USP34: variants seen among roughly 807,000 people sequenced by gnomAD.
USP34 encodes ubiquitin carboxyl-terminal hydrolase 34.
USP34 carries 70 observed loss-of-function variants against 460.3 expected under a neutral mutation model. That is an observed-to-expected ratio of 0.15 (90% confidence interval 0.13 to 0.19). The LOEUF is 0.19. USP34 is among the 10% of genes least tolerant of loss of function. USP34 has a pLI of 1.00. For synonymous variants in USP34, 1,647 were observed against 1,405.3 expected (o/e 1.17, Z -3.85); for missense variants, 3,985 against 4,236.2 (o/e 0.94, Z 1.65).
Position 61,210,085 on chromosome 2 carries a change from A to C in USP34, c.8841-1108T>G, listed in dbSNP as rs1250006278. Among the ~76,000 whole-genome samples the C allele has an allele frequency of 3.3e-5, 5 of 152,334 alleles. No individual in the cohort carries two copies. The East Asian group carries it at 9.6e-4, about 29-fold the overall frequency. On this transcript the variant is annotated intron_variant, in intron 69 of 79. Transcript: ENST00000398571. ...AGAAGTTAAAAAAACTTATAAAGTA[A>C]AAAAAGTTCAGTACATTAATAATGA...
chr2:61,444,785 A>G lies in USP34; in HGVS notation c.44-23952T>C, dbSNP rs146376058. The stretch of plus-strand genomic sequence containing the variant: ...ATTGCCTCCTCCAGCCTCTGCATAT[A>G]TACCTGGCAGGTGTCCACCGCACGT... On this transcript the variant is annotated intron_variant, in intron 1 of 79. Coordinates refer to ENST00000398571, the MANE Select transcript of USP34 (RefSeq NM_014709.4). 8.5e-5 allele frequency among the ~76,000 whole-genome samples: 13 copies of G among 152,138 alleles called. No individual in the cohort carries two copies. In the East Asian group the frequency reaches 2.5e-3, roughly 29 times the overall value.
intron 21 of USP34, among the ~76,000 whole-genome samples, chr2:61,321,263 G>T (rs983101610): frequency 4.6e-5 from 7 of 152,086 alleles, no homozygotes; most frequent in Non-Finnish European, 7.4e-5. Context: ...ATGAGGTCAG[G>T]AGATCAAGAC....
At position 61,281,330 on chromosome 2, in the gene USP34, T is replaced by C. The variant is rs548439589; in HGVS notation, c.4999-88A>G. ...AGAAATAATTTTAGGTGATTTTAAA[T>C]ACAATGTTCTGCCGGGCAAGCCTGT... On this transcript the variant is annotated intron_variant, in intron 37 of 79. Transcript: ENST00000398571. 5 of 1,445,212 alleles carry C rather than the reference T, an allele frequency of 3.5e-6. No homozygotes were observed. In the South Asian group the frequency reaches 4.3e-5, roughly 12 times the overall value. 89.5% of individuals were successfully genotyped at this position (1,445,212 alleles called of 1,614,324 possible). A position where few individuals can be genotyped will look rare whatever the true frequency, so the allele number is the denominator to read the frequency against.
At chr2:61,469,343 A>G (rs1449843448) in intron 1 of USP34, among the ~76,000 whole-genome samples, 1 of 152,208 alleles carries the variant, frequency 6.6e-6, no homozygotes, top group Non-Finnish European at 1.5e-5. Context: ...TATAAAACAC[A>G]GTAAGTATTG....
At position 61,306,827 on chromosome 2, in the gene USP34, G is replaced by T. The variant is rs1011379255; in HGVS notation, c.3817+4713C>A. On this transcript the variant is annotated intron_variant, in intron 27 of 79. Transcript: ENST00000398571. The stretch of plus-strand genomic sequence containing the variant: ...AAGTCAGGAAACAACAGCTGCTGGA[G>T]AGGATGTGGAGAAATAGGAACACTA... 5.3e-5 allele frequency among the ~76,000 whole-genome samples: 8 copies of T among 152,194 alleles called. No homozygotes were observed. In the South Asian group the frequency reaches 6.2e-4, roughly 12 times the overall value.
chr2:61,279,436 G>A (rs1020973584), intron 39 of USP34, among the ~76,000 whole-genome samples: 2 of 152,046 alleles, frequency 1.3e-5, no homozygotes, highest in African/African-American at 2.4e-5. Flanking sequence ...TGGAAAAAAC[G>A]CAAGTCTTTA....
intron 21 of USP34, among the ~76,000 whole-genome samples, chr2:61,322,091 G>A (rs550342247): frequency 1.7e-4 from 26 of 152,012 alleles, no homozygotes; most frequent in Non-Finnish European, 3.5e-4. Flanking sequence ...TTAGCTAGGC[G>A]TGGTGGCGCA....
At chr2:61,258,467 G>A (rs1688780057) in intron 44 of USP34, among the ~76,000 whole-genome samples, 1 of 152,172 alleles carries the variant, frequency 6.6e-6, no homozygotes, top group South Asian at 2.1e-4. Flanking sequence ...TTAATCTGTG[G>A]AATAGATGGT....
At chr2:61,333,622 C>T (rs1202893246) in intron 19 of USP34, among the ~76,000 whole-genome samples, 1 of 152,040 alleles carries the variant, frequency 6.6e-6, no homozygotes, top group East Asian at 1.9e-4. Context: ...GCTGCATACG[C>T]TAAAAATCTC....
intron 6 of USP34, among the ~76,000 whole-genome samples, chr2:61,381,405 C>A (rs778152): frequency 0.36 from 55,077 of 151,808 alleles, 9,986 homozygotes; most frequent in Non-Finnish European, 0.38. Flanking sequence ...ATTGCTCAAT[C>A]AGAGCTCACT....
intron 2 of USP34, among the ~76,000 whole-genome samples, chr2:61,409,019 A>C (rs1398901844): frequency 1.3e-5 from 2 of 151,838 alleles, no homozygotes; most frequent in African/African-American, 4.8e-5. Flanking sequence ...CAGGAGTTCA[A>C]GACCAGCCTG....
In USP34 at chr2:61,314,909, T is replaced by C. The variant is rs372899504; in HGVS notation, c.3348A>G (p.Ala1116=). Residue 1116 remains alanine, a synonymous_variant, in exon 24 of 80, where the codon GCA becomes GCG. Transcript: ENST00000398571. ...LRAQSGDVSR[A]AIQYINSYYI... The stretch of plus-strand genomic sequence containing the variant: ...AATAGGAGTTAATATACTGGATAGC[T>C]GCTCGACTGACATCACCAGATTGTG... 8 of 1,613,928 alleles carry C rather than the reference T, an allele frequency of 5.0e-6. No individual in the cohort carries two copies. In the African/African-American group the frequency reaches 9.3e-5, roughly 19 times the overall value.
chr2:61,277,699 A>C (rs533699090), intron 41 of USP34: 1 of 152,680 alleles, frequency 6.5e-6, no homozygotes, highest in African/African-American at 2.4e-5. Context: ...AAAAAAATTA[A>C]CATATCCACA....
At chr2:61,256,064 T>C (rs1271678089) in intron 48 of USP34, among the ~76,000 whole-genome samples, 1 of 152,150 alleles carries the variant, frequency 6.6e-6, no homozygotes. Flanking sequence ...CTTAAGAAAA[T>C]GTCACAAAAG....
chr2:61,381,910 T>C (rs1259410284), intron 6 of USP34, among the ~76,000 whole-genome samples: 1 of 152,146 alleles, frequency 6.6e-6, no homozygotes, highest in African/African-American at 2.4e-5. Context: ...GATTTTCACA[T>C]CTCAGTAATG....
At chr2:61,190,241 T>C (rs563822597) in intron 78 of USP34, 30 bp downstream of exon 78, 3 of 1,577,464 alleles carry the variant, frequency 1.9e-6, no homozygotes, top group East Asian at 4.5e-5. Context: ...AGTTTAAAAG[T>C]GTGTGCCGCC....
intron 16 of USP34, among the ~76,000 whole-genome samples, chr2:61,342,581 G>A (rs554393593): frequency 6.6e-6 from 1 of 151,816 alleles, no homozygotes; most frequent in Non-Finnish European, 1.5e-5. Context: ...CAAAGTGCTG[G>A]GATTATAGGT....
intron 1 of USP34, among the ~76,000 whole-genome samples, chr2:61,462,197 C>CCAT (rs1252766083): frequency 2.0e-5 from 3 of 150,992 alleles, no homozygotes; most frequent in Admixed American, 1.3e-4. Context: ...CAAGATCAGG[C>CCAT]CATCGCACTC....
intron 8 of USP34, among the ~76,000 whole-genome samples, chr2:61,372,387 C>A (rs2421066): frequency 0.54 from 82,169 of 151,970 alleles, 22,434 homozygotes; most frequent in South Asian, 0.73. Context: ...AAACAAAATT[C>A]ATTTCTAAAA....
Sources: allele counts gnomAD v4.1 joint callset (sites outside exome capture counted in the v4.1 genomes callset), GRCh38; gene constraint gnomAD v4.1.1; transcripts MANE v1.5; gene names NCBI Gene and HGNC (gene_info 2026-07-23, HGNC 2026-07-21).